Variants in DOK6 observed in about 807,000 individuals in gnomAD.
The protein encoded by DOK6 is docking protein 6, also known as downstream of tyrosine kinase 6.
In DOK6, 22 loss-of-function variants were observed where a neutral mutation model predicts 44.0. The observed-to-expected ratio is 0.50, with a 90% CI of 0.36 to 0.71. DOK6 has a LOEUF of 0.71. DOK6 is among the 30% of genes least tolerant of loss of function. The pLI is 0.00. For missense variants in DOK6, 340 were observed against 416.4 expected (o/e 0.82, Z 1.60); for synonymous variants, 166 against 145.5 (o/e 1.14, Z -1.01).
chr18:69,495,661 C>T (rs560541237), intron 1 of DOK6, among the ~76,000 whole-genome samples: 1 of 152,212 alleles, frequency 6.6e-6, no homozygotes, highest in African/African-American at 2.4e-5. Flanking sequence ...AGCCTTCAGG[C>T]CCTTCCCAGC....
At chr18:69,462,696 T>C (rs554220201) in intron 1 of DOK6, among the ~76,000 whole-genome samples, 2 of 152,364 alleles carry the variant, frequency 1.3e-5, no homozygotes, top group South Asian at 2.1e-4. Flanking sequence ...CGGTATTAAC[T>C]GATTAATCCT....
In DOK6 at chr18:69,771,355, G is replaced by C. The variant is rs561128660; in HGVS notation, c.856+13482G>C. Among the ~76,000 whole-genome samples the C allele has an allele frequency of 4.9e-4, 74 of 151,992 alleles. No homozygotes were observed. The Middle Eastern group carries it at 0.017, about 35-fold the overall frequency. On this transcript the variant is annotated intron_variant, in intron 7 of 7. Transcript: ENST00000382713. ...GGTAGAATTGAAACAAAGTCTAAGT[G>C]GCAATTAAGGGCTGCATAATATTCT...
intron 1 of DOK6, among the ~76,000 whole-genome samples, chr18:69,443,789 C>G (rs1472105141): frequency 6.6e-6 from 1 of 152,090 alleles, no homozygotes; most frequent in Admixed American, 6.6e-5. Context: ...GACATAGACC[C>G]ATAGTATTCT....
At chr18:69,737,004 T>G (rs1224058464) in intron 5 of DOK6, among the ~76,000 whole-genome samples, 2 of 152,192 alleles carry the variant, frequency 1.3e-5, no homozygotes, top group Non-Finnish European at 2.9e-5. Context: ...GCAAGTCAAA[T>G]GCCATCTAAA....
At chr18:69,409,717 A>G (rs1348902883) in intron 1 of DOK6, among the ~76,000 whole-genome samples, 1 of 152,238 alleles carries the variant, frequency 6.6e-6, no homozygotes. Flanking sequence ...TTTTTTCCCC[A>G]AAACTATAAA....
At chr18:69,550,427 AATTT>A (rs1982531532) in intron 1 of DOK6, among the ~76,000 whole-genome samples, 1 of 152,206 alleles carries the variant, frequency 6.6e-6, no homozygotes, top group African/African-American at 2.4e-5. Flanking sequence ...TGTATTAATT[AATTT>A]GAGAAACAAT....
At chr18:69,838,206 A>G (rs1329273927) in intron 7 of DOK6, among the ~76,000 whole-genome samples, 2 of 150,992 alleles carry the variant, frequency 1.3e-5, no homozygotes, top group African/African-American at 2.4e-5. Flanking sequence ...CTGCCTCAGC[A>G]TTTGTTCTCT....
At chr18:69,615,388 C>G (rs1984261665) in intron 3 of DOK6, among the ~76,000 whole-genome samples, 1 of 152,142 alleles carries the variant, frequency 6.6e-6, no homozygotes, top group African/African-American at 2.4e-5. Context: ...ATACAAAAGA[C>G]AACTTGAATA....
chr18:69,617,730 G>GAAAGAAAGAAAGAAAGAAAGAAAGAA, intron 3 of DOK6, among the ~76,000 whole-genome samples: 1 of 88,872 alleles, frequency 1.1e-5, no homozygotes, highest in East Asian at 4.3e-4. Context: ...AAAGAAAAAA[G>GAAAGAAAGAAAGAAAGAAAGAAAGAA]GGGGAAGGAG....
chr18:69,445,504 T>C (rs1979259307), intron 1 of DOK6, among the ~76,000 whole-genome samples: 1 of 152,154 alleles, frequency 6.6e-6, no homozygotes, highest in South Asian at 2.1e-4. Flanking sequence ...ATGAAACAGT[T>C]TGTTTGGGAT....
intron 6 of DOK6, among the ~76,000 whole-genome samples, chr18:69,757,540 TTC>T (rs1979395001): frequency 6.6e-6 from 1 of 152,334 alleles, no homozygotes; most frequent in African/African-American, 2.4e-5. Flanking sequence ...CATCTTAATG[TTC>T]TCTTCTTAAT....
rs560236748 is a variant in DOK6 at position 69,730,058 on chromosome 18, G to GA, written c.600-8905dup. ...GGAAAAGAGGAAGATAATGAATAGG[G>GA]AAGATACACTACATAAGAGATACAG... On this transcript the variant is annotated intron_variant, in intron 5 of 7. Coordinates refer to ENST00000382713, the MANE Select transcript of DOK6 (RefSeq NM_152721.6). 7.1e-4 allele frequency among the ~76,000 whole-genome samples: 108 copies of GA among 152,116 alleles called. 1 individual carries two copies. Among genetic ancestry groups the GA allele is most frequent in the Non-Finnish European group, 1.4e-3 (94 of 68,012 alleles).
chr18:69,411,868 C>T (rs1033040365), intron 1 of DOK6, among the ~76,000 whole-genome samples: 17 of 152,054 alleles, frequency 1.1e-4, no homozygotes, highest in East Asian at 3.9e-4. Flanking sequence ...AGTGTCTTTA[C>T]GCTTTTACTC....
intron 3 of DOK6, among the ~76,000 whole-genome samples, chr18:69,637,803 A>T (rs866506592): frequency 1.2e-4 from 18 of 152,100 alleles, no homozygotes; most frequent in Non-Finnish European, 1.2e-4. Context: ...ATTGAGTTAT[A>T]TATTTATTCT....
intron 1 of DOK6, among the ~76,000 whole-genome samples, chr18:69,428,021 G>A (rs553678038): frequency 6.6e-5 from 10 of 152,148 alleles, no homozygotes; most frequent in South Asian, 6.2e-4. Flanking sequence ...CAGGTGATCC[G>A]CCGGCCTCAG....
intron 2 of DOK6, among the ~76,000 whole-genome samples, chr18:69,582,891 C>A (rs1983403453): frequency 6.6e-6 from 1 of 152,092 alleles, no homozygotes; most frequent in Non-Finnish European, 1.5e-5. Context: ...GTCCATTTTG[C>A]CAGTTGCTTC....
At chr18:69,711,957 T>C (rs753928249) in intron 5 of DOK6, among the ~76,000 whole-genome samples, 9 of 152,168 alleles carry the variant, frequency 5.9e-5, no homozygotes, top group Non-Finnish European at 1.0e-4. Flanking sequence ...AGACAATTGA[T>C]GATTAATCAT....
intron 5 of DOK6, among the ~76,000 whole-genome samples, chr18:69,715,768 G>C (rs148559799): frequency 1.3e-5 from 2 of 152,178 alleles, no homozygotes; most frequent in Non-Finnish European, 2.9e-5. Context: ...TCTTGTTGGC[G>C]TTGAAAGTCC....
At chr18:69,703,779 C>T (rs1986573137) in intron 5 of DOK6, among the ~76,000 whole-genome samples, 1 of 152,156 alleles carries the variant, frequency 6.6e-6, no homozygotes, top group Non-Finnish European at 1.5e-5. Context: ...TTGTTTCTCC[C>T]CAAAATTCAT....
Sources: allele counts gnomAD v4.1 joint callset (sites outside exome capture counted in the v4.1 genomes callset), GRCh38; gene constraint gnomAD v4.1.1; transcripts MANE v1.5; gene names NCBI Gene and HGNC (gene_info 2026-07-23, HGNC 2026-07-21).